TMEM135: variants seen among roughly 807,000 people sequenced by gnomAD.
TMEM135 encodes peroxisomal membrane protein 52.
In TMEM135, 30 loss-of-function variants were observed where a neutral mutation model predicts 60.3. That is an observed-to-expected ratio of 0.50 (90% CI 0.37 to 0.68). The LOEUF (loss-of-function observed/expected upper bound fraction) is 0.68, where lower values mean the gene tolerates loss of function less well. TMEM135 is among the 30% of genes least tolerant of loss of function. The probability of loss-of-function intolerance (pLI) is 0.00; values close to 1 mark genes in which losing one functional copy is unlikely to be tolerated. For missense variants in TMEM135, 468 were observed against 548.8 expected, an observed-to-expected ratio of 0.85 and a Z score of 1.47; for synonymous variants, 190 against 186.7, an observed-to-expected ratio of 1.02 and a Z score of -0.14.
At chr11:87,247,848 T>G (rs1941322024) in intron 6 of TMEM135, among the ~76,000 whole-genome samples, 1 of 151,996 alleles carries the variant, frequency 6.6e-6, no homozygotes. Flanking sequence ...CTTGCGTATG[T>G]TGCCCTGCAC....
At chr11:87,064,632 C>T (rs1215991328) in intron 1 of TMEM135, among the ~76,000 whole-genome samples, 1 of 152,196 alleles carries the variant, frequency 6.6e-6, no homozygotes, top group Non-Finnish European at 1.5e-5. Context: ...CCTGTAATCC[C>T]AGCACTTTGG....
intron 6 of TMEM135, among the ~76,000 whole-genome samples, chr11:87,245,446 TG>T (rs1426506624): frequency 8.6e-6 from 1 of 116,468 alleles, no homozygotes; most frequent in African/African-American, 3.4e-5. Context: ...ATGTTGACAG[TG>T]GGGTGTTAAA....
intron 6 of TMEM135, among the ~76,000 whole-genome samples, chr11:87,285,753 G>T (rs1942153092): frequency 6.6e-6 from 1 of 152,228 alleles, no homozygotes; most frequent in Non-Finnish European, 1.5e-5. Flanking sequence ...TGGCACTGCT[G>T]ACTCTGGCAG....
At chr11:87,060,684 C>A (rs1026578574) in intron 1 of TMEM135, among the ~76,000 whole-genome samples, 1 of 151,606 alleles carries the variant, frequency 6.6e-6, no homozygotes, top group Non-Finnish European at 1.5e-5. Context: ...GCTCTGTCAC[C>A]CAGGCTGGAT....
In TMEM135 at chr11:87,096,191, G is replaced by C. The variant is rs182231174; in HGVS notation, c.396+4796G>C. 713 of 303,336 alleles carry C rather than the reference G, an allele frequency of 2.4e-3. 2 individuals carry two copies. The highest frequency in any genetic ancestry group is 3.6e-3 in the Non-Finnish European group (548 of 152,234). The allele number at this position is 303,336 out of a possible 1,614,324, so 18.8% of individuals were successfully genotyped here. ...GAAAACTAGCAAAAGTTTTTTATCC[G>C]TTAAACTCTTCTACAAATTCTTCGT... On this transcript the variant is annotated intron_variant, in intron 4 of 14. Transcript: ENST00000305494.
chr11:87,322,745 T>G lies in TMEM135; in HGVS notation c.*1412T>G. ...CAAGCCTTGTATACTTCTGCTTAAA[T>G]GTAATTCAATCCTTGGTTGTTATGG... is the stretch of plus-strand genomic sequence containing the variant. On this transcript the variant is annotated 3_prime_UTR_variant, in exon 15 of 15. Coordinates refer to ENST00000305494, the MANE Select transcript of TMEM135 (RefSeq NM_022918.4). 1 of 454,188 alleles carries G rather than the reference T, an allele frequency of 2.2e-6. No individual in the cohort carries two copies. Among genetic ancestry groups the G allele is most frequent in the South Asian group, 1.6e-5 (1 of 64,470 alleles). 28.1% of individuals were successfully genotyped at this position (454,188 alleles called of 1,614,324 possible).
At chr11:87,250,700 T>C (rs1205232138) in intron 6 of TMEM135, among the ~76,000 whole-genome samples, 6 of 152,194 alleles carry the variant, frequency 3.9e-5, no homozygotes, top group African/African-American at 1.4e-4. Flanking sequence ...TGGTCTTAGG[T>C]TCTTTTTAAA....
At chr11:87,055,353 A>G (rs1458668806) in intron 1 of TMEM135, among the ~76,000 whole-genome samples, 1 of 152,194 alleles carries the variant, frequency 6.6e-6, no homozygotes, top group Non-Finnish European at 1.5e-5. Context: ...TTTGGCCTTT[A>G]CTTACCTGAA....
intron 5 of TMEM135, among the ~76,000 whole-genome samples, chr11:87,170,639 G>A (rs929135108): frequency 6.6e-6 from 1 of 152,262 alleles, no homozygotes; most frequent in East Asian, 1.9e-4. Flanking sequence ...AGCAAAGATT[G>A]CTGCGTGTTC....
intron 13 of TMEM135, 122 bp from the exon 14 acceptor site, chr11:87,319,188 G>C (rs1269850291): frequency 2.4e-6 from 2 of 840,556 alleles, no homozygotes; most frequent in African/African-American, 3.4e-5. Context: ...ATTTTTATTT[G>C]AAGGCATATT....
At chr11:87,179,452 C>A (rs1939461228) in intron 5 of TMEM135, among the ~76,000 whole-genome samples, 1 of 151,690 alleles carries the variant, frequency 6.6e-6, no homozygotes, top group Admixed American at 6.6e-5. Flanking sequence ...AAATCTTTAC[C>A]TAGTTGGGGG....
At chr11:87,144,574 A>T (rs929703105) in intron 4 of TMEM135, among the ~76,000 whole-genome samples, 2 of 152,182 alleles carry the variant, frequency 1.3e-5, no homozygotes, top group African/African-American at 4.8e-5. Flanking sequence ...GTTTCTCATC[A>T]TGAGGGATTA....
At chr11:87,269,516 C>A (rs1267738965) in intron 6 of TMEM135, among the ~76,000 whole-genome samples, 1 of 151,240 alleles carries the variant, frequency 6.6e-6, no homozygotes, top group Non-Finnish European at 1.5e-5. Context: ...CCACAACAGT[C>A]CCCAGAGTGT....
At chr11:87,258,378 C>T (rs1941573537) in intron 6 of TMEM135, among the ~76,000 whole-genome samples, 2 of 152,036 alleles carry the variant, frequency 1.3e-5, no homozygotes, top group South Asian at 4.1e-4. Context: ...TCCTCTTATA[C>T]ATAGGGATTC....
chr11:87,312,736 A>G (rs1486202388), intron 10 of TMEM135, among the ~76,000 whole-genome samples: 29 of 151,938 alleles, frequency 1.9e-4, no homozygotes, highest in Admixed American at 1.9e-3. Flanking sequence ...GACTGTAAAA[A>G]TGATTATTAG....
chr11:87,116,997 A>T (rs1298407117), intron 4 of TMEM135, among the ~76,000 whole-genome samples: 1 of 151,878 alleles, frequency 6.6e-6, no homozygotes. Flanking sequence ...TAATTTTTGT[A>T]TTTATGGTAG....
At chr11:87,177,498 G>A (rs4944670) in intron 5 of TMEM135, among the ~76,000 whole-genome samples, 25,403 of 152,026 alleles carry the variant, frequency 0.17, 2,490 homozygotes, top group African/African-American at 0.27. Context: ...TGGTATAATA[G>A]CCATAAGTTA....
At position 87,327,832 on chromosome 11, in the gene TMEM135, C is replaced by T. The variant is rs973328779; in HGVS notation, c.*6499C>T. 1 of 453,864 alleles carries T rather than the reference C, an allele frequency of 2.2e-6. No homozygotes were observed. The highest frequency in any genetic ancestry group is 2.0e-5 in the African/African-American group (1 of 49,952). 28.1% of individuals were successfully genotyped at this position (453,864 alleles called of 1,614,324 possible). On this transcript the variant is annotated 3_prime_UTR_variant, in exon 15 of 15. Coordinates refer to ENST00000305494, the MANE Select transcript of TMEM135 (RefSeq NM_022918.4). ...GTTAGAGGATCTGGGGTCCTAATGTCCATGGGCAGTTGGAGAAGAGTGTAT... is the reference window on the plus strand; with the variant it reads ...GTTAGAGGATCTGGGGTCCTAATGTTCATGGGCAGTTGGAGAAGAGTGTAT...
intron 3 of TMEM135, among the ~76,000 whole-genome samples, chr11:87,081,138 A>G (rs1270555422): frequency 6.8e-6 from 1 of 146,386 alleles, no homozygotes; most frequent in African/African-American, 2.5e-5. Context: ...TTATTTTTTT[A>G]TATCTATTCT....
Sources: gnomAD v4.1 joint callset for allele counts (sites outside exome capture counted in the v4.1 genomes callset) on GRCh38, gnomAD v4.1.1 for gene constraint, MANE v1.5 for transcripts, NCBI Gene and HGNC (gene_info 2026-07-23, HGNC 2026-07-21) for gene names.